UBR2: variants seen among roughly 807,000 people sequenced by gnomAD.
UBR2 encodes ubiquitin protein ligase E3 component n-recognin 2, also known as E3 ubiquitin-protein ligase UBR2.
Under a neutral mutation model 247.9 loss-of-function variants are expected in UBR2, and 92 were observed. The observed-to-expected ratio is 0.37, with a 90% CI of 0.31 to 0.44. The LOEUF is 0.44. Ranked by LOEUF, UBR2 falls within the 20% of genes least tolerant of loss-of-function variation. The pLI is 1.00. For synonymous variants in UBR2, 672 were observed against 693.5 expected, an observed-to-expected ratio of 0.97 and a Z score of 0.49; for missense variants, 1,613 against 2,112.6, an observed-to-expected ratio of 0.76 and a Z score of 4.64.
chr6:42,661,392 G>C (rs1797796133), intron 30 of UBR2, among the ~76,000 whole-genome samples: 1 of 152,118 alleles, frequency 6.6e-6, no homozygotes, highest in African/African-American at 2.4e-5. Context: ...AAAAGCATTA[G>C]CTGGCTATAA....
chr6:42,686,077 G>C (rs1035875063), intron 44 of UBR2, among the ~76,000 whole-genome samples: 2 of 144,962 alleles, frequency 1.4e-5, no homozygotes, highest in African/African-American at 5.1e-5. Context: ...TATTTTGTAT[G>C]TTTTTTTTTT....
intron 2 of UBR2, among the ~76,000 whole-genome samples, chr6:42,580,735 G>A (rs964649351): frequency 6.6e-6 from 1 of 152,086 alleles, no homozygotes; most frequent in Admixed American, 6.6e-5. Flanking sequence ...TAGAGACAGG[G>A]TTTCACCATG....
At chr6:42,574,059 C>T (rs1259963461) in intron 2 of UBR2, 66 bp downstream of exon 2, 3 of 1,429,844 alleles carry the variant, frequency 2.1e-6, no homozygotes, top group African/African-American at 2.9e-5. Flanking sequence ...TTCCCTGGAA[C>T]TTTTGAGTTT....
At chr6:42,619,588 A>T in intron 11 of UBR2, 2 of 217,588 alleles carry the variant, frequency 9.2e-6, no homozygotes, top group Non-Finnish European at 8.9e-6. Flanking sequence ...ATCTCTACTA[A>T]AAATAGAAAA....
chr6:42,586,907 G>A lies in UBR2; in HGVS notation c.339-5244G>A, dbSNP rs574824476. ...CGCAATCTCGGCTCACTGCAACCTC[G>A]CCTCCCAGACTCAAGTGATTCTCCT... On this transcript the variant is annotated intron_variant, in intron 2 of 46. Transcript: ENST00000372901. Among the ~76,000 whole-genome samples the A allele has an allele frequency of 7.1e-5, 10 of 140,606 alleles. No individual in the cohort carries two copies. The East Asian group carries it at 1.9e-3, about 26-fold the overall frequency. The allele number at this position is 140,606 out of a possible 152,430, so 92.2% of individuals were successfully genotyped here. A position where few individuals can be genotyped will look rare whatever the true frequency, so the allele number is the denominator to read the frequency against.
chr6:42,604,624 C>T (rs1048608478), intron 5 of UBR2, among the ~76,000 whole-genome samples: 2 of 152,146 alleles, frequency 1.3e-5, no homozygotes, highest in Admixed American at 6.5e-5. Flanking sequence ...GCCGTGTACA[C>T]TCTTGCCCCG....
intron 16 of UBR2, 24 bp from the exon 17 acceptor site, chr6:42,641,558 T>G (rs748941657): frequency 1.3e-6 from 2 of 1,560,052 alleles, no homozygotes; most frequent in South Asian, 2.4e-5. Context: ...TTGTTTTCTG[T>G]TTTTTTATTT....
rs576691757 is a variant in UBR2, at chr6:42,647,275, ATTT to A, written c.2410-839_2410-837del. ...AAGGAACAATAAAATTTCAAAAAGC[ATTT>A]TTTAAGTGGTTTAAGATTGTCGGCC... On this transcript the variant is annotated intron_variant, in intron 21 of 46. Coordinates refer to ENST00000372901, the MANE Select transcript of UBR2 (RefSeq NM_001363705.2). Among the ~76,000 whole-genome samples, 113 of 151,540 alleles carry A rather than the reference ATTT, an allele frequency of 7.5e-4. 1 individual carries two copies. Among genetic ancestry groups the A allele is most frequent in the African/African-American group, 2.6e-3 (108 of 41,370 alleles).
intron 42 of UBR2, among the ~76,000 whole-genome samples, chr6:42,680,582 C>T (rs937711726): frequency 6.6e-6 from 1 of 152,124 alleles, no homozygotes; most frequent in Non-Finnish European, 1.5e-5. Context: ...CTCAGCTTTT[C>T]ATAGATTTTT....
intron 21 of UBR2, among the ~76,000 whole-genome samples, chr6:42,647,828 G>A (rs1188096032): frequency 6.6e-6 from 1 of 151,990 alleles, no homozygotes; most frequent in Non-Finnish European, 1.5e-5. Flanking sequence ...AATTCCTTTA[G>A]AAAGCTCTTA....
intron 36 of UBR2, among the ~76,000 whole-genome samples, chr6:42,673,325 G>A (rs1488951265): frequency 1.3e-5 from 2 of 152,162 alleles, no homozygotes; most frequent in African/African-American, 2.4e-5. Context: ...ATCTTGGCTT[G>A]TTTATTTGTT....
At chr6:42,628,520 G>A (rs191887763) in intron 11 of UBR2, among the ~76,000 whole-genome samples, 1 of 151,966 alleles carries the variant, frequency 6.6e-6, no homozygotes, top group South Asian at 2.1e-4. Flanking sequence ...TCAGGAGTTC[G>A]AGACCAGCCT....
intron 3 of UBR2, among the ~76,000 whole-genome samples, chr6:42,593,066 C>T (rs184747618): frequency 6.8e-4 from 104 of 152,072 alleles, no homozygotes; most frequent in Non-Finnish European, 4.7e-4. Context: ...CCCAGCTGCT[C>T]GGGAGGCTGA....
At chr6:42,640,013 C>T (rs956511771) in intron 15 of UBR2, among the ~76,000 whole-genome samples, 196 bp from the exon 16 acceptor site, 1 of 151,996 alleles carries the variant, frequency 6.6e-6, no homozygotes, top group African/African-American at 2.4e-5. Context: ...GGTGACAGAG[C>T]GAGACTCCGT....
chr6:42,614,300 A>G (rs1255883255), intron 8 of UBR2, among the ~76,000 whole-genome samples: 1 of 95,994 alleles, frequency 1.0e-5, no homozygotes, highest in African/African-American at 3.8e-5. Context: ...ATGTACATAT[A>G]TGTGCGTATA....
chr6:42,647,621 T>C (rs1286541161), intron 21 of UBR2, among the ~76,000 whole-genome samples: 3 of 151,924 alleles, frequency 2.0e-5, no homozygotes, highest in Non-Finnish European at 4.4e-5. Context: ...AAAGTGATTG[T>C]AACTGTATTT....
At chr6:42,627,427 C>T (rs549717118) in intron 11 of UBR2, among the ~76,000 whole-genome samples, 4 of 152,182 alleles carry the variant, frequency 2.6e-5, no homozygotes, top group East Asian at 1.9e-4. Context: ...GTTTTACAAA[C>T]GCAGTCTGGT....
In UBR2 at chr6:42,594,241, C is replaced by T. The variant is rs1310199778; in HGVS notation, c.468C>T (p.Ala156=). The change falls in exon 4 of 47, where the codon GCC becomes GCT. Residue 156 remains alanine (A), a synonymous_variant. Transcript: ENST00000372901. The stretch of plus-strand genomic sequence containing the variant: ...TCTGTGACTGTGGTGATACTGAAGC[C>T]TGGAAAGAGGGTCCTTACTGTCAAA... ...GGFCDCGDTE[A]WKEGPYCQKH... The T allele has an allele frequency of 6.2e-7, 1 of 1,612,992 alleles. No homozygotes were observed. Among genetic ancestry groups the T allele is most frequent in the Non-Finnish European group, 8.5e-7 (1 of 1,179,388 alleles).
chr6:42,619,434 TATATATATATATA>T (rs1440375719), intron 11 of UBR2: 597 of 23,222 alleles, frequency 0.026, 54 homozygotes, highest in Middle Eastern at 0.077. Flanking sequence ...TATATATATA[TATATATATATATA>T]TATATATTTT....
Sources: allele counts gnomAD v4.1 joint callset (sites outside exome capture counted in the v4.1 genomes callset), GRCh38; gene constraint gnomAD v4.1.1; transcripts MANE v1.5; gene names NCBI Gene and HGNC (gene_info 2026-07-23, HGNC 2026-07-21).